The following SLAMF9 variants were observed in gnomAD, a reference collection of about 807,000 sequenced individuals.
SLAMF9 encodes the protein CD2 family member 10.
SLAMF9 carries 25 observed loss-of-function variants against 30.4 expected under a neutral mutation model. The ratio of observed to expected loss-of-function variants is 0.82; its 90% CI spans 0.60 to 1.15. SLAMF9 has a LOEUF of 1.15. Among genes scored for constraint, SLAMF9 ranks in the 50% most tolerant of loss-of-function variants. SLAMF9 has a pLI of 0.00. For missense variants in SLAMF9, 344 were observed against 346.1 expected (o/e 0.99, Z 0.05); for synonymous variants, 129 against 127.2 (o/e 1.01, Z -0.09).
chr1:159,970,225 G>A, the SLAMF9 span, among the ~76,000 whole-genome samples: 3 of 152,138 alleles, frequency 2.0e-5, no homozygotes, highest in Non-Finnish European at 4.4e-5. Context: ...TCACTAACCT[G>A]GGTTTAGCTG....
chr1:159,977,862 A>C, the SLAMF9 span, among the ~76,000 whole-genome samples: 1 of 152,186 alleles, frequency 6.6e-6, no homozygotes, highest in Non-Finnish European at 1.5e-5. Flanking sequence ...TCATGGAGAC[A>C]TGCAGGAACA....
chr1:159,954,586 A>T (rs1212974898), upstream of SLAMF9, among the ~76,000 whole-genome samples: 1 of 152,144 alleles, frequency 6.6e-6, no homozygotes, highest in Non-Finnish European at 1.5e-5. Context: ...TCTTATAAAC[A>T]TCTATATCTC....
At chr1:159,980,329 A>G in the SLAMF9 span, among the ~76,000 whole-genome samples, 1 of 151,906 alleles carries the variant, frequency 6.6e-6, no homozygotes, top group Non-Finnish European at 1.5e-5. Flanking sequence ...CCCCTCTGCC[A>G]CATCCCCCGA....
the SLAMF9 span, among the ~76,000 whole-genome samples, chr1:159,974,276 C>T: frequency 3.9e-5 from 6 of 152,190 alleles, no homozygotes; most frequent in African/African-American, 1.4e-4. Flanking sequence ...TCTCTCCTTC[C>T]TCTTCTCTTC....
At chr1:159,958,450 G>T (rs996701385), upstream of SLAMF9, among the ~76,000 whole-genome samples, 1 of 151,332 alleles carries the variant, frequency 6.6e-6, no homozygotes, top group Non-Finnish European at 1.5e-5. Flanking sequence ...TCTAATTTTC[G>T]TTTCTTCACT....
the SLAMF9 span, among the ~76,000 whole-genome samples, chr1:159,962,170 G>T: frequency 6.6e-6 from 1 of 151,956 alleles, no homozygotes; most frequent in Non-Finnish European, 1.5e-5. Flanking sequence ...AAAAAAAAAG[G>T]TTTACCTTTG....
the SLAMF9 span, among the ~76,000 whole-genome samples, chr1:159,975,324 G>C: frequency 0.018 from 2,747 of 152,270 alleles, 24 homozygotes; most frequent in South Asian, 0.032. Flanking sequence ...CTGGGGAGGA[G>C]ACCCAAAGAG....
the SLAMF9 span, among the ~76,000 whole-genome samples, chr1:159,974,939 G>C: frequency 6.6e-6 from 1 of 152,138 alleles, no homozygotes; most frequent in Non-Finnish European, 1.5e-5. Flanking sequence ...TGGAACTTAT[G>C]AGGATCACAA....
At chr1:159,973,931 A>G in the SLAMF9 span, 1 of 1,612,048 alleles carries the variant, frequency 6.2e-7, no homozygotes, top group Non-Finnish European at 8.5e-7. Flanking sequence ...GGTTTTCCTT[A>G]GAGAAATGAA....
the SLAMF9 span, among the ~76,000 whole-genome samples, chr1:159,982,580 A>G: frequency 1.7e-3 from 262 of 152,288 alleles, no homozygotes; most frequent in African/African-American, 6.0e-3. Flanking sequence ...ATCTCTTATG[A>G]CATTTATCAA....
upstream of SLAMF9, among the ~76,000 whole-genome samples, chr1:159,955,585 C>T (rs1487914453): frequency 2.6e-5 from 4 of 152,200 alleles, no homozygotes; most frequent in Non-Finnish European, 4.4e-5. Context: ...CATACACTGT[C>T]TTAAGTGCTG....
upstream of SLAMF9, among the ~76,000 whole-genome samples, chr1:159,955,601 T>G (rs1651905786): frequency 6.6e-6 from 1 of 152,222 alleles, no homozygotes; most frequent in African/African-American, 2.4e-5. Flanking sequence ...TGCTGGGGAA[T>G]TAACAGTGAC....
chr1:159,958,450 G>A (rs996701385), upstream of SLAMF9, among the ~76,000 whole-genome samples: 1 of 151,332 alleles, frequency 6.6e-6, no homozygotes, highest in Non-Finnish European at 1.5e-5. Flanking sequence ...TCTAATTTTC[G>A]TTTCTTCACT....
rs1571228423 is a variant in SLAMF9 at position 159,952,483 on chromosome 1, C to T, written c.443G>A (p.Gly148Asp). 3 of 1,614,074 alleles carry T rather than the reference C, an allele frequency of 1.9e-6. No homozygotes were observed. Among genetic ancestry groups the T allele is most frequent in the Non-Finnish European group, 1.7e-6 (2 of 1,180,004 alleles). Reference sequence around the variant, plus strand: ...GCACACCAGGGACATACTGCAGGCACCTTCCCCAGAACTCTCAAAGTTCAC... The same window carrying T: ...GCACACCAGGGACATACTGCAGGCATCTTCCCCAGAACTCTCAAAGTTCAC... ...ITVNFESSGE[G>D]ACSMSLVCSV... Residue 148 changes from glycine to aspartate, a missense_variant, in exon 3 of 4, where the codon GGT (glycine) becomes GAT (aspartate). By Grantham distance (94) the Gly-to-Asp change is moderately conservative. Transcript: ENST00000368093.
In SLAMF9 at chr1:159,951,641, C is replaced by G; in HGVS notation, c.*20G>C. On this transcript the variant is annotated 3_prime_UTR_variant, in exon 4 of 4. Transcript: ENST00000368093. ...TGCTGGGAAGAAACCAAGCTCAGGA[C>G]TGGGGTTCCCAAGGAGCAGTCAGGC... 2 of 1,611,982 alleles carry G rather than the reference C, an allele frequency of 1.2e-6. No individual in the cohort carries two copies. Among genetic ancestry groups the G allele is most frequent in the Non-Finnish European group, 8.5e-7 (1 of 1,178,840 alleles).
At chr1:159,964,807 C>A in the SLAMF9 span, among the ~76,000 whole-genome samples, 1 of 152,166 alleles carries the variant, frequency 6.6e-6, no homozygotes, top group African/African-American at 2.4e-5. Context: ...TTATTGTCAT[C>A]ATCAATAATG....
At chr1:159,965,920 T>C in the SLAMF9 span, among the ~76,000 whole-genome samples, 43 of 152,370 alleles carry the variant, frequency 2.8e-4, 1 homozygote, top group African/African-American at 9.6e-4. Context: ...TAAATCAAGC[T>C]AATTAACATA....
the SLAMF9 span, among the ~76,000 whole-genome samples, chr1:159,979,919 C>CTGT: frequency 1.6e-4 from 25 of 152,256 alleles, no homozygotes. Context: ...AATTAATAAA[C>CTGT]TGTACATGAA....
the SLAMF9 span, among the ~76,000 whole-genome samples, chr1:159,966,848 A>G: frequency 6.6e-6 from 1 of 152,048 alleles, no homozygotes; most frequent in Admixed American, 6.6e-5. Context: ...GATTCCTCAT[A>G]TATTTTGGAT....
Sources: gnomAD v4.1 joint callset for allele counts (sites outside exome capture counted in the v4.1 genomes callset) on GRCh38, gnomAD v4.1.1 for gene constraint, MANE v1.5 for transcripts, NCBI Gene and HGNC (gene_info 2026-07-23, HGNC 2026-07-21) for gene names.